Variants in SHB observed in about 807,000 individuals in gnomAD.
SHB encodes the protein SH2 domain-containing adapter protein B.
A neutral mutation model predicts 52.3 loss-of-function variants in SHB; 20 were observed. The ratio of observed to expected loss-of-function variants is 0.38; its 90% CI spans 0.27 to 0.56. The LOEUF (loss-of-function observed/expected upper bound fraction) is 0.56, where lower values mean the gene tolerates loss of function less well. Ranked by LOEUF, SHB falls within the 20% of genes least tolerant of loss-of-function variation. SHB has a pLI of 0.71. For synonymous variants in SHB, 397 were observed against 316.5 expected (o/e 1.25, Z -2.70); for missense variants, 825 against 723.3 (o/e 1.14, Z -1.61).
intron 1 of SHB, among the ~76,000 whole-genome samples, chr9:38,057,536 C>T (rs967541233): frequency 6.6e-6 from 1 of 152,206 alleles, no homozygotes; most frequent in African/African-American, 2.4e-5. Context: ...GGAACCGGCT[C>T]AGAGCACAGC....
intron 3 of SHB, among the ~76,000 whole-genome samples, chr9:37,961,943 G>A (rs1010087142): frequency 2.6e-5 from 4 of 152,198 alleles, no homozygotes; most frequent in Non-Finnish European, 4.4e-5. Context: ...AGCTAGCTCC[G>A]ATGAATGGCC....
At chr9:37,995,521 G>A (rs1216989911) in intron 2 of SHB, among the ~76,000 whole-genome samples, 1 of 152,142 alleles carries the variant, frequency 6.6e-6, no homozygotes, top group Non-Finnish European at 1.5e-5. Context: ...GGGTCACAGC[G>A]TGCTCCAAGC....
chr9:37,980,063 T>A (rs114006854), intron 2 of SHB, among the ~76,000 whole-genome samples: 457 of 152,350 alleles, frequency 3.0e-3, no homozygotes, highest in African/African-American at 0.01. Context: ...TGGTAGTTCC[T>A]GAAGGCTGAG....
At position 37,919,012 on chromosome 9, in the gene SHB, C is replaced by CT. The variant is rs1253488150; in HGVS notation, c.*808dup. On this transcript the variant is annotated 3_prime_UTR_variant, in exon 6 of 6. Transcript: ENST00000377707. ...GGCTGGAGCTGAGGCCTCGGCCTCC[C>CT]TCCCCTCCCTGGGGCCTGCCACAGC... The CT allele has an allele frequency of 6.6e-6, 1 of 152,506 alleles. No individual in the cohort carries two copies. The highest frequency in any genetic ancestry group is 1.5e-5 in the Non-Finnish European group (1 of 68,050). The allele number at this position is 152,506 out of a possible 1,614,324, so 9.4% of individuals were successfully genotyped here. A position where few individuals can be genotyped will look rare whatever the true frequency, so the allele number is the denominator to read the frequency against.
chr9:38,045,835 C>T (rs569404239), intron 1 of SHB, among the ~76,000 whole-genome samples: 1 of 152,160 alleles, frequency 6.6e-6, no homozygotes, highest in African/African-American at 2.4e-5. Flanking sequence ...AGGCCAGAGA[C>T]AGCTTGAAAG....
At chr9:37,936,604 T>C (rs1165024746) in intron 5 of SHB, 1 of 152,216 alleles carries the variant, frequency 6.6e-6, no homozygotes, top group African/African-American at 2.4e-5. Flanking sequence ...TCCTAGCAGA[T>C]GACAAATCAT....
intron 5 of SHB, among the ~76,000 whole-genome samples, chr9:37,938,230 G>A (rs948866522): frequency 7.0e-4 from 107 of 152,292 alleles, no homozygotes; most frequent in Non-Finnish European, 1.1e-3. Context: ...GCTGAGACGG[G>A]AAGTGACTCA....
chr9:37,920,047 C>G, intron 5 of SHB, 43 bp from the exon 6 acceptor site: 1 of 1,536,718 alleles, frequency 6.5e-7, no homozygotes, highest in African/African-American at 1.4e-5. Context: ...CCCCCTGACA[C>G]TCAGGCTGAG....
chr9:37,974,244 GAA>G (rs1820625921), intron 3 of SHB, among the ~76,000 whole-genome samples: 2 of 152,058 alleles, frequency 1.3e-5, no homozygotes, highest in African/African-American at 2.4e-5. Flanking sequence ...CAACAAGAGC[GAA>G]ACTCTGTCTC....
chr9:37,953,041 A>G (rs1371419061), intron 4 of SHB, among the ~76,000 whole-genome samples: 1 of 151,936 alleles, frequency 6.6e-6, no homozygotes, highest in East Asian at 1.9e-4. Context: ...TCAGACCTTC[A>G]GGTCAAGCAG....
chr9:37,980,380 C>T (rs1820709906), intron 2 of SHB, among the ~76,000 whole-genome samples: 1 of 152,210 alleles, frequency 6.6e-6, no homozygotes, highest in African/African-American at 2.4e-5. Flanking sequence ...CTTTGCTCAT[C>T]CATAAGAAGC....
intron 5 of SHB, among the ~76,000 whole-genome samples, chr9:37,946,757 C>T (rs1306463982): frequency 6.6e-6 from 1 of 152,184 alleles, no homozygotes; most frequent in Non-Finnish European, 1.5e-5. Flanking sequence ...AGGCCAGGCC[C>T]CCAGCCACGG....
At chr9:37,945,793 G>A (rs1402238859) in intron 5 of SHB, among the ~76,000 whole-genome samples, 1 of 152,158 alleles carries the variant, frequency 6.6e-6, no homozygotes, top group East Asian at 1.9e-4. Context: ...CACAGATGGG[G>A]ACATGGGGAG....
At chr9:37,960,557 T>C (rs909108501) in intron 3 of SHB, among the ~76,000 whole-genome samples, 3 of 152,194 alleles carry the variant, frequency 2.0e-5, no homozygotes, top group South Asian at 2.1e-4. Flanking sequence ...ACCCTGGTGG[T>C]TGATGGAAGA....
At chr9:38,019,834 G>A (rs551325684) in intron 1 of SHB, among the ~76,000 whole-genome samples, 1 of 152,098 alleles carries the variant, frequency 6.6e-6, no homozygotes, top group Non-Finnish European at 1.5e-5. Flanking sequence ...ATCAATAGAG[G>A]AATCGCTAAA....
At chr9:37,956,584 C>T (rs1832638023) in intron 3 of SHB, among the ~76,000 whole-genome samples, 1 of 152,196 alleles carries the variant, frequency 6.6e-6, no homozygotes, top group Non-Finnish European at 1.5e-5. Context: ...GCCCAGGACC[C>T]AGCGCCCAGG....
rs937113790 is a variant in SHB, at chr9:38,068,050, G to C, written c.596C>G (p.Pro199Arg). 3 of 1,501,920 alleles carry C rather than the reference G, an allele frequency of 2.0e-6. No individual in the cohort carries two copies. The highest frequency in any genetic ancestry group is 1.4e-5 in the African/African-American group (1 of 69,356). The allele number at this position is 1,501,920 out of a possible 1,614,324, so 93.0% of individuals were successfully genotyped here. ...GCCGCCCGCGCAGGCGCCCCCCAGG[G>C]GGTCCCCGGCCCCACCGCCCGCGGC... ...ESAAGGGAGD[P>R]LGGACAGGRT... is the part of the protein sequence containing the mutation. Residue 199 changes from proline (P) to arginine (R), a missense_variant, in exon 1 of 6, where the codon CCC (proline) becomes CGC (arginine). Coordinates refer to ENST00000377707, the MANE Select transcript of SHB (RefSeq NM_003028.3).
intron 3 of SHB, among the ~76,000 whole-genome samples, chr9:37,957,289 C>T (rs1832646797): frequency 6.6e-6 from 1 of 152,232 alleles, no homozygotes; most frequent in African/African-American, 2.4e-5. Context: ...CCAAGCCCGG[C>T]CAGACACACG....
rs116726017 is a variant in SHB, at chr9:37,921,845, G to A, written c.1347-1841C>T. Among the ~76,000 whole-genome samples, 1,104 of 152,342 alleles carry A rather than the reference G, an allele frequency of 7.2e-3. 11 individuals carry two copies. The highest frequency in any genetic ancestry group is 0.025 in the African/African-American group (1,051 of 41,562). ...ACAGATCTGTGCCAGTTTGGAAAGG[G>A]CTGTGATTGCTTAAGTAATGCGCTG... On this transcript the variant is annotated intron_variant, in intron 5 of 5. Coordinates refer to ENST00000377707, the MANE Select transcript of SHB (RefSeq NM_003028.3).
Sources: allele counts gnomAD v4.1 joint callset (sites outside exome capture counted in the v4.1 genomes callset), GRCh38; gene constraint gnomAD v4.1.1; transcripts MANE v1.5; gene names NCBI Gene and HGNC (gene_info 2026-07-23, HGNC 2026-07-21).